The following ARL15 variants were observed in gnomAD, a reference collection of about 807,000 sequenced individuals.
The protein encoded by ARL15 is ARF like GTPase 15, also known as ADP-ribosylation factor-like protein 15.
A neutral mutation model predicts 25.2 loss-of-function variants in ARL15; 19 were observed. That is an observed-to-expected ratio of 0.75 (90% CI 0.53 to 1.10). The LOEUF is 1.10. ARL15 is among the 50% of genes least tolerant of loss of function. The probability of loss-of-function intolerance (pLI) is 0.00; values close to 1 mark genes in which losing one functional copy is unlikely to be tolerated. For synonymous variants in ARL15, 94 were observed against 86.8 expected, an observed-to-expected ratio of 1.08 and a Z score of -0.46; for missense variants, 220 against 246.0, an observed-to-expected ratio of 0.89 and a Z score of 0.71.
At chr5:54,161,221 A>G (rs1473812178) in intron 2 of ARL15, among the ~76,000 whole-genome samples, 1 of 152,184 alleles carries the variant, frequency 6.6e-6, no homozygotes, top group Non-Finnish European at 1.5e-5. Flanking sequence ...GTTGCAATAC[A>G]AAATGTTGCA....
At chr5:54,037,599 C>T (rs1432443900) in intron 4 of ARL15, among the ~76,000 whole-genome samples, 1 of 152,070 alleles carries the variant, frequency 6.6e-6, no homozygotes, top group Admixed American at 6.5e-5. Context: ...TAAAAATAGA[C>T]ACTCTAGAAA....
chr5:53,956,921 A>C (rs1416125762), intron 4 of ARL15, among the ~76,000 whole-genome samples: 5 of 152,118 alleles, frequency 3.3e-5, no homozygotes, highest in Admixed American at 2.0e-4. Context: ...CAGAAAGAAA[A>C]AAGGATGAAG....
At chr5:53,968,417 T>C (rs1747633939) in intron 4 of ARL15, among the ~76,000 whole-genome samples, 1 of 152,120 alleles carries the variant, frequency 6.6e-6, no homozygotes, top group East Asian at 1.9e-4. Context: ...AACCCTAAAA[T>C]ACAGAAACAT....
chr5:54,107,633 G>A (rs907450088), intron 4 of ARL15, among the ~76,000 whole-genome samples: 2 of 151,754 alleles, frequency 1.3e-5, no homozygotes, highest in African/African-American at 2.4e-5. Context: ...GTCTAGATGT[G>A]GAGAATAAAA....
intron 4 of ARL15, among the ~76,000 whole-genome samples, chr5:54,077,466 A>G (rs547308570): frequency 6.6e-6 from 1 of 152,210 alleles, no homozygotes; most frequent in Non-Finnish European, 1.5e-5. Context: ...TGAGCCATAA[A>G]TGTAAAGAAC....
At chr5:53,989,590 TGTGTGTGTGTATGG>T (rs1748415739) in intron 4 of ARL15, among the ~76,000 whole-genome samples, 1 of 152,000 alleles carries the variant, frequency 6.6e-6, no homozygotes, top group Non-Finnish European at 1.5e-5. Flanking sequence ...TGTGTGTGTG[TGTGTGTGTGTATGG>T]GTGTGTGTAT....
At chr5:54,157,545 G>A (rs9292041) in intron 2 of ARL15, among the ~76,000 whole-genome samples, 35,926 of 151,816 alleles carry the variant, frequency 0.24, 4,888 homozygotes, top group African/African-American at 0.37. Context: ...CTGAGTAGCC[G>A]GGACTACAGG....
chr5:54,254,147 C>T (rs1354199385), intron 1 of ARL15, among the ~76,000 whole-genome samples: 6 of 152,106 alleles, frequency 3.9e-5, no homozygotes, highest in African/African-American at 1.2e-4. Context: ...ACTCTGTTTC[C>T]GTGGATCACT....
At chr5:54,027,617 C>T (rs1413908247) in intron 4 of ARL15, among the ~76,000 whole-genome samples, 1 of 152,086 alleles carries the variant, frequency 6.6e-6, no homozygotes, top group African/African-American at 2.4e-5. Flanking sequence ...TCTGGTTGAA[C>T]ATTTTTGGTT....
At chr5:54,069,106 A>G (rs1036735619) in intron 4 of ARL15, among the ~76,000 whole-genome samples, 1 of 152,250 alleles carries the variant, frequency 6.6e-6, no homozygotes, top group African/African-American at 2.4e-5. Flanking sequence ...TTTTTTAAAT[A>G]TTTGGATAAA....
chr5:54,041,243 G>A lies in ARL15; in HGVS notation c.462+71959C>T, dbSNP rs2166372. ...GGCTAAATCTCTTATTGCTAAAACA[G>A]AAGTAGTGAAGGTCAAAGAATGCAA... On this transcript the variant is annotated intron_variant, in intron 4 of 4. Coordinates refer to ENST00000504924, the MANE Select transcript of ARL15 (RefSeq NM_019087.3). Among the ~76,000 whole-genome samples the A allele has an allele frequency of 3.4e-3, 511 of 152,278 alleles. 3 individuals carry two copies. Among genetic ancestry groups the A allele is most frequent in the Admixed American group, 7.9e-3 (121 of 15,296 alleles).
At chr5:54,174,439 T>G (rs1222549317) in intron 1 of ARL15, among the ~76,000 whole-genome samples, 1 of 152,200 alleles carries the variant, frequency 6.6e-6, no homozygotes, top group Non-Finnish European at 1.5e-5. Context: ...AAATTCACTT[T>G]TCCTCTGTTC....
intron 1 of ARL15, among the ~76,000 whole-genome samples, chr5:54,183,269 T>A (rs1409540415): frequency 1.0e-5 from 1 of 99,518 alleles, no homozygotes; most frequent in Non-Finnish European, 2.1e-5. Context: ...CCATTCAGTA[T>A]GATATTGGCT....
chr5:54,248,853 C>T (rs1757162237), intron 1 of ARL15, among the ~76,000 whole-genome samples: 1 of 152,018 alleles, frequency 6.6e-6, no homozygotes, highest in South Asian at 2.1e-4. Flanking sequence ...CTCCCCAAGA[C>T]AGAAAAAGAG....
At chr5:54,230,829 C>G (rs73757007) in intron 1 of ARL15, among the ~76,000 whole-genome samples, 1 of 152,102 alleles carries the variant, frequency 6.6e-6, no homozygotes, top group Non-Finnish European at 1.5e-5. Context: ...TTACAATGTG[C>G]TTTTGCCATA....
At chr5:54,014,749 C>T (rs1391036523) in intron 4 of ARL15, among the ~76,000 whole-genome samples, 3 of 151,686 alleles carry the variant, frequency 2.0e-5, no homozygotes, top group African/African-American at 7.2e-5. Flanking sequence ...TGGTCTCAAA[C>T]TCCTGACCTC....
intron 2 of ARL15, 133 bp downstream of exon 2, chr5:54,171,651 A>T: frequency 9.2e-7 from 1 of 1,085,300 alleles, no homozygotes; most frequent in South Asian, 2.2e-5. Flanking sequence ...TGAAAAAGAG[A>T]TAGTGTTTAA....
In ARL15 at chr5:53,954,465, A is replaced by G. The variant is rs189716430; in HGVS notation, c.463-67752T>C. The stretch of plus-strand genomic sequence containing the variant: ...GAATATTTCCATGTTCCATAGCCCA[A>G]TTCCTCACTGGATCACCTGTCCACT... On this transcript the variant is annotated intron_variant, in intron 4 of 4. Coordinates refer to ENST00000504924, the MANE Select transcript of ARL15 (RefSeq NM_019087.3). Among the ~76,000 whole-genome samples, 680 of 152,266 alleles carry G rather than the reference A, an allele frequency of 4.5e-3. 7 individuals are homozygous for G. Among genetic ancestry groups the G allele is most frequent in the African/African-American group, 0.016 (651 of 41,548 alleles).
At chr5:54,033,465 C>T (rs549069293) in intron 4 of ARL15, among the ~76,000 whole-genome samples, 3 of 151,762 alleles carry the variant, frequency 2.0e-5, no homozygotes, top group Non-Finnish European at 2.9e-5. Context: ...GTCAAGAGTT[C>T]GAGACCAGCC....
Sources: gnomAD v4.1 joint callset for allele counts (sites outside exome capture counted in the v4.1 genomes callset) on GRCh38, gnomAD v4.1.1 for gene constraint, MANE v1.5 for transcripts, NCBI Gene and HGNC (gene_info 2026-07-23, HGNC 2026-07-21) for gene names.